The following JAG1 variants were observed in gnomAD, a reference collection of about 807,000 sequenced individuals.
JAG1 encodes the protein jagged canonical Notch ligand 1.
A neutral mutation model predicts 148.7 loss-of-function variants in JAG1; 23 were observed. The ratio of observed to expected loss-of-function variants is 0.15; its 90% CI spans 0.11 to 0.22. JAG1 has a LOEUF of 0.22. Among genes scored for constraint, JAG1 ranks in the 10% least tolerant of loss-of-function variants. The pLI is 1.00. For synonymous variants in JAG1, 572 were observed against 598.3 expected (o/e 0.96, Z 0.64); for missense variants, 1,054 against 1,611.2 (o/e 0.65, Z 5.92).
chr20:10,639,596 T>TG lies in JAG1; in HGVS notation c.3558dup (p.Asn1187GlnfsTer42), dbSNP rs1037453998. On this transcript the variant is annotated frameshift_variant, in exon 26 of 26. Coordinates refer to ENST00000254958, the MANE Select transcript of JAG1 (RefSeq NM_000214.3). LOFTEE classifies it high-confidence loss of function. The stretch of plus-strand genomic sequence containing the variant: ...TTTGGGTGTTTTGTCGGCGTGCCGT[T>TG]GGGGGGCTTCTCTTCTCTGTCTACC... The TG allele has an allele frequency of 6.2e-7, 1 of 1,614,164 alleles. No individual in the cohort carries two copies. Among genetic ancestry groups the TG allele is most frequent in the Non-Finnish European group, 8.5e-7 (1 of 1,180,020 alleles).
chr20:10,667,016 G>A (rs1212680668), intron 2 of JAG1, among the ~76,000 whole-genome samples: 1 of 152,212 alleles, frequency 6.6e-6, no homozygotes, highest in Non-Finnish European at 1.5e-5. Context: ...AGAGCGGTAA[G>A]CACTTAATTG....
In JAG1 at chr20:10,639,830, C is replaced by T. The variant is rs1044765003; in HGVS notation, c.3325G>A (p.Asp1109Asn). The T allele has an allele frequency of 1.2e-6, 2 of 1,614,132 alleles. No individual in the cohort carries two copies. The change falls in exon 26 of 26, where the codon GAC becomes AAC. Residue 1109 changes from aspartate to asparagine, a missense_variant. This residue lies in a region of JAG1 where 177 missense variants were observed against 177.3 expected (regional missense o/e 1.00). Transcript: ENST00000254958. ...TCCCGCACGTTGTTGGTGGTGTTGTCCTCAGAGGCTGAGTGTGTGTGGCTG... is the reference window on the plus strand; with the variant it reads ...TCCCGCACGTTGTTGGTGGTGTTGTTCTCAGAGGCTGAGTGTGTGTGGCTG... ...PGSHTHSASEDNTTNNVREQL... is the reference protein window; with the variant it reads ...PGSHTHSASENNTTNNVREQL...
chr20:10,672,571 C>T, intron 2 of JAG1, 130 bp downstream of exon 2: 1 of 952,062 alleles, frequency 1.1e-6, no homozygotes, highest in Non-Finnish European at 1.6e-6. Context: ...CCCGCCACCC[C>T]TAGAGATTTC....
At position 10,639,570 on chromosome 20, in the gene JAG1, G is replaced by T. The variant is rs1210407796; in HGVS notation, c.3585C>A (p.Asn1195Lys). 1 of 1,614,086 alleles carries T rather than the reference G, an allele frequency of 6.2e-7. No homozygotes were observed. Among genetic ancestry groups the T allele is most frequent in the Non-Finnish European group, 8.5e-7 (1 of 1,180,042 alleles). The change falls in exon 26 of 26, where the codon AAC becomes AAA. Residue 1195 changes from asparagine (N) to lysine (K), a missense_variant. Asn to Lys is a moderately conservative substitution (Grantham distance 94, BLOSUM62 0). This residue lies in a region of JAG1 where 177 missense variants were observed against 177.3 expected (regional missense o/e 1.00). Transcript: ENST00000254958. ...CTCTGTTGTCCTGTTTGTTTGTCCAGTTTGGGTGTTTTGTCGGCGTGCCGT... is the reference window on the plus strand; with the variant it reads ...CTCTGTTGTCCTGTTTGTTTGTCCATTTTGGGTGTTTTGTCGGCGTGCCGT... ...PPNGTPTKHP[N>K]WTNKQDNRDL... is the part of the protein sequence containing the mutation.
intron 2 of JAG1, among the ~76,000 whole-genome samples, chr20:10,670,977 G>A (rs113513419): frequency 0.015 from 2,268 of 152,318 alleles, 48 homozygotes; most frequent in African/African-American, 0.052. Flanking sequence ...GAGGGAGCAA[G>A]CCTCCTTGTT....
rs747937958 is a variant in JAG1 at position 10,641,854 on chromosome 20, G to A, written c.2611C>T (p.Pro871Ser). The change falls in exon 22 of 26, where the codon CCA (proline) becomes TCA (serine). Residue 871 changes from proline (P) to serine (S), a missense_variant. This residue lies in a region of JAG1 where 342 missense variants were observed against 514.6 expected (regional missense o/e 0.66). Transcript: ENST00000254958. ...TCATCATCCCATTTGGCCCCATCTGGTATCACACTCCCCATGGTGATGCAA... is the reference window on the plus strand; with the variant it reads ...TCATCATCCCATTTGGCCCCATCTGATATCACACTCCCCATGGTGATGCAA... ...RPCITMGSVI[P>S]DGAKWDDDCN... 7 of 1,613,770 alleles carry A rather than the reference G, an allele frequency of 4.3e-6. No individual in the cohort carries two copies. The highest frequency in any genetic ancestry group is 5.1e-6 in the Non-Finnish European group (6 of 1,179,756).
chr20:10,667,208 C>T (rs1242630138), intron 2 of JAG1, among the ~76,000 whole-genome samples: 4 of 152,224 alleles, frequency 2.6e-5, no homozygotes, highest in Admixed American at 6.5e-5. Context: ...TCCAAAACCC[C>T]AGGCTGCTGC....
chr20:10,668,904 C>T (rs191874973), intron 2 of JAG1, among the ~76,000 whole-genome samples: 32 of 152,180 alleles, frequency 2.1e-4, no homozygotes, highest in South Asian at 4.2e-4. Context: ...CATCTTAAGT[C>T]CCTGTAGAAT....
chr20:10,639,690 T>C lies in JAG1; in HGVS notation c.3465A>G (p.Glu1155=). Reference sequence around the variant, plus strand: ...GTTTGTCCATGTCGTCCTCTTCTACTTCAGAATTGTGTGTCCTTATTTTAG... The same window carrying C: ...GTTTGTCCATGTCGTCCTCTTCTACCTCAGAATTGTGTGTCCTTATTTTAG... ...KMSKIRTHNS[E]VEEDDMDKHQ... Residue 1155 remains glutamate (E), a synonymous_variant, in exon 26 of 26, where the codon GAA becomes GAG. Coordinates refer to ENST00000254958, the MANE Select transcript of JAG1 (RefSeq NM_000214.3). 3.7e-6 allele frequency: 6 copies of C among 1,614,242 alleles called. No homozygotes were observed. The highest frequency in any genetic ancestry group is 4.2e-6 in the Non-Finnish European group (5 of 1,180,042).
In JAG1 at chr20:10,641,238, T is replaced by A. The variant is rs1476119398; in HGVS notation, c.2923A>T (p.Thr975Ser). The A allele has an allele frequency of 6.2e-7, 1 of 1,613,894 alleles. No homozygotes were observed. The highest frequency in any genetic ancestry group is 1.3e-5 in the African/African-American group (1 of 75,044). Residue 975 changes from threonine to serine, a missense_variant, in exon 24 of 26, where the codon ACT becomes TCT. Physicochemically the swap from Thr to Ser is moderately conservative, Grantham distance 58. Around this residue, in one of 6 missense-constraint regions of JAG1, gnomAD observed 342 missense variants for 514.6 expected, o/e 0.66. Transcript: ENST00000254958. Reference protein sequence around the residue: ...FNKEMMSPGLTTEHICSELRN... With the variant: ...FNKEMMSPGLSTEHICSELRN... ...AATTCACTGCAAATGTGCTCCGTAGTAAGACCCTAAAACGATTTTTAAAAA... is the reference window on the plus strand; with the variant it reads ...AATTCACTGCAAATGTGCTCCGTAGAAAGACCCTAAAACGATTTTTAAAAA...
rs765884543 is a variant in JAG1, at chr20:10,641,652, G to A, written c.2724C>T (p.His908=). 4 of 1,613,970 alleles carry A rather than the reference G, an allele frequency of 2.5e-6. No homozygotes were observed. The Admixed American group carries it at 6.7e-5, about 27-fold the overall frequency. Residue 908 remains histidine, a synonymous_variant, in exon 23 of 26, where the codon CAC becomes CAT. Transcript: ENST00000254958. ...GPRPCLLHKG[H]SECPSGQSCI... is the part of the protein sequence containing the mutation. ...AGCTCTGCCCGCTGGGGCACTCGCT[G>A]TGCCCTTTGTGGAGCAGGCAAGGTC...
intron 18 of JAG1, 149 bp downstream of exon 18, chr20:10,644,714 G>A: frequency 1.3e-6 from 1 of 742,958 alleles, no homozygotes; most frequent in Non-Finnish European, 2.5e-6. Flanking sequence ...CCAGGTCAGG[G>A]CTGTATCCCA....
chr20:10,642,003 A>G (rs1175056714), intron 21 of JAG1, 111 bp from the exon 22 acceptor site: 1 of 787,236 alleles, frequency 1.3e-6, no homozygotes, highest in Non-Finnish European at 2.3e-6. Context: ...CCATGTTAAG[A>G]TCATTCTTCC....
intron 21 of JAG1, 77 bp from the exon 22 acceptor site, chr20:10,641,969 A>G (rs2067275646): frequency 2.1e-6 from 2 of 933,792 alleles, no homozygotes. Context: ...CCCTGTTATG[A>G]AATGGTTATG....
At position 10,641,487 on chromosome 20, in the gene JAG1, A is replaced by G; in HGVS notation, c.2889T>C (p.Phe963=). ...GTGACATCATCTCCTTGTTAAAGGTAAATGTGATGTTCGCACAGTTATCCT... is the reference window on the plus strand; with the variant it reads ...GTGACATCATCTCCTTGTTAAAGGTGAATGTGATGTTCGCACAGTTATCCT... ...YYQDNCANIT[F]TFNKEMMSPG... Residue 963 remains phenylalanine (F), a synonymous_variant, in exon 23 of 26, where the codon TTT becomes TTC. Coordinates refer to ENST00000254958, the MANE Select transcript of JAG1 (RefSeq NM_000214.3). 1 of 1,614,108 alleles carries G rather than the reference A, an allele frequency of 6.2e-7. No homozygotes were observed. Among genetic ancestry groups the G allele is most frequent in the Non-Finnish European group, 8.5e-7 (1 of 1,179,962 alleles).
chr20:10,642,936 T>C (rs2067283225), intron 20 of JAG1, among the ~76,000 whole-genome samples: 1 of 152,260 alleles, frequency 6.6e-6, no homozygotes, highest in Admixed American at 6.5e-5. Context: ...TTGTGGGGTA[T>C]ATAGTCTCTG....
intron 2 of JAG1, among the ~76,000 whole-genome samples, chr20:10,667,907 A>G: frequency 6.6e-6 from 1 of 152,178 alleles, no homozygotes; most frequent in East Asian, 1.9e-4. Context: ...GGTCTGGTTC[A>G]CACAGAGCAA....
At chr20:10,661,088 G>T (rs2067413837) in intron 3 of JAG1, among the ~76,000 whole-genome samples, 1 of 152,158 alleles carries the variant, frequency 6.6e-6, no homozygotes, top group South Asian at 2.1e-4. Context: ...CTCTAGGGGA[G>T]AAAGAAATTT....
At position 10,639,506 on chromosome 20, in the gene JAG1, T is replaced by G. The variant is rs780200722; in HGVS notation, c.3649A>C (p.Ile1217Leu). ...SAQSLNRMEY[I>L]V The stretch of plus-strand genomic sequence containing the variant: ...GCAGTGCCCGCGGTCTGCTATACGA[T>G]GTACTCCATTCGGTTTAAGCTCTGG... The change falls in exon 26 of 26, where the codon ATC becomes CTC. Residue 1217 changes from isoleucine (I) to leucine (L), a missense_variant. Coordinates refer to ENST00000254958, the MANE Select transcript of JAG1 (RefSeq NM_000214.3). 1.9e-5 allele frequency: 30 copies of G among 1,613,954 alleles called. No individual in the cohort carries two copies. Among genetic ancestry groups the G allele is most frequent in the Non-Finnish European group, 2.5e-5 (30 of 1,179,946 alleles).
Sources: allele counts gnomAD v4.1 joint callset (sites outside exome capture counted in the v4.1 genomes callset), GRCh38; gene constraint gnomAD v4.1.1; regional missense constraint gnomAD v4.1.1; transcripts MANE v1.5; gene names NCBI Gene and HGNC (gene_info 2026-07-23, HGNC 2026-07-21).